Variants in USH2A observed in about 807,000 individuals in gnomAD.
USH2A encodes the protein Usher syndrome 2A (autosomal recessive, mild).
A neutral mutation model predicts 538.9 loss-of-function variants in USH2A; 443 were observed. The ratio of observed to expected loss-of-function variants is 0.82; its 90% CI spans 0.76 to 0.89. The LOEUF is 0.89. Ranked by LOEUF, USH2A falls within the 40% of genes least tolerant of loss-of-function variation. USH2A has a pLI of 0.00. For missense variants in USH2A, 6,633 were observed against 6,324.8 expected, an observed-to-expected ratio of 1.05 and a Z score of -1.65; for synonymous variants, 2,413 against 2,273.5, an observed-to-expected ratio of 1.06 and a Z score of -1.75.
At chr1:215,969,011 G>A (rs1306917813) in intron 36 of USH2A, among the ~76,000 whole-genome samples, 1 of 152,138 alleles carries the variant, frequency 6.6e-6, no homozygotes, top group Non-Finnish European at 1.5e-5. Context: ...CTTCATGATT[G>A]TGCTAGCCAT....
At chr1:215,627,547 T>G (rs577038991) in intron 71 of USH2A, among the ~76,000 whole-genome samples, 4 of 151,440 alleles carry the variant, frequency 2.6e-5, no homozygotes, top group Admixed American at 2.6e-4. Context: ...TTTTCTTTTT[T>G]CAGAGTCTTG....
At chr1:215,756,501 A>C (rs1237141202) in intron 58 of USH2A, among the ~76,000 whole-genome samples, 1 of 152,184 alleles carries the variant, frequency 6.6e-6, no homozygotes, top group Non-Finnish European at 1.5e-5. Context: ...GGATTGTAGA[A>C]GACCCTGGTC....
chr1:215,787,468 T>C (rs1355493426), intron 51 of USH2A, among the ~76,000 whole-genome samples: 1 of 152,168 alleles, frequency 6.6e-6, no homozygotes, highest in Non-Finnish European at 1.5e-5. Context: ...TTTACGCTTA[T>C]AAACATTTTC....
At chr1:215,901,340 A>C (rs1665495680) in intron 38 of USH2A, 1 of 216,220 alleles carries the variant, frequency 4.6e-6, no homozygotes, top group South Asian at 6.6e-5. Flanking sequence ...ACACCACTAC[A>C]TGTGAACACA....
At chr1:216,259,508 G>A (rs1361703651) in intron 11 of USH2A, among the ~76,000 whole-genome samples, 1 of 151,988 alleles carries the variant, frequency 6.6e-6, no homozygotes, top group Non-Finnish European at 1.5e-5. Flanking sequence ...CAGTTCCCAG[G>A]AAGACAAAAC....
chr1:215,628,572 C>CA (rs1201834953), intron 71 of USH2A, among the ~76,000 whole-genome samples: 1 of 152,164 alleles, frequency 6.6e-6, no homozygotes, highest in Non-Finnish European at 1.5e-5. Context: ...CATGAGCCAC[C>CA]ACGGCTAGCC....
chr1:215,877,614 T>C (rs1664803401), intron 43 of USH2A, 144 bp downstream of exon 43: 1 of 1,279,040 alleles, frequency 7.8e-7, no homozygotes, highest in Non-Finnish European at 1.1e-6. Flanking sequence ...AGCTGGGTGA[T>C]TAATGCCACA....
chr1:216,254,658 T>G (rs533062991), intron 11 of USH2A, among the ~76,000 whole-genome samples: 14 of 152,312 alleles, frequency 9.2e-5, no homozygotes, highest in African/African-American at 3.1e-4. Context: ...GGCAGAGAAC[T>G]GAGGTGCCCC....
chr1:216,178,955 G>T (rs949233103), intron 20 of USH2A, among the ~76,000 whole-genome samples: 1 of 152,134 alleles, frequency 6.6e-6, no homozygotes, highest in African/African-American at 2.4e-5. Flanking sequence ...GTGTGTTGAG[G>T]ATAGGATTTC....
chr1:215,628,714 C>T (rs539088085), intron 71 of USH2A, 100 bp downstream of exon 71: 15 of 1,248,094 alleles, frequency 1.2e-5, no homozygotes, highest in Middle Eastern at 2.1e-4. Flanking sequence ...TGCTCAGAGG[C>T]GAGTGCCATG....
intron 38 of USH2A, among the ~76,000 whole-genome samples, chr1:215,919,164 A>T (rs778471914): frequency 2.0e-5 from 3 of 152,064 alleles, no homozygotes; most frequent in Non-Finnish European, 4.4e-5. Context: ...TTGCACAGAC[A>T]TTATAGGGTC....
intron 15 of USH2A, among the ~76,000 whole-genome samples, chr1:216,208,024 A>T (rs1410759708): frequency 6.6e-6 from 1 of 152,138 alleles, no homozygotes; most frequent in African/African-American, 2.4e-5. Flanking sequence ...TGTTTTTAAG[A>T]TGTAATACAA....
chr1:215,629,626 G>A (rs1402320201), intron 70 of USH2A, among the ~76,000 whole-genome samples: 1 of 151,814 alleles, frequency 6.6e-6, no homozygotes. Flanking sequence ...ATTACATCAG[G>A]TCTGATATTA....
intron 4 of USH2A, among the ~76,000 whole-genome samples, chr1:216,347,749 C>T (rs1606357): frequency 0.27 from 41,579 of 151,910 alleles, 5,991 homozygotes; most frequent in African/African-American, 0.37. Context: ...TAATATATGT[C>T]GTTCTAAAAC....
chr1:216,381,504 TCAA>T (rs1047112092), intron 3 of USH2A, among the ~76,000 whole-genome samples: 47 of 152,096 alleles, frequency 3.1e-4, no homozygotes, highest in African/African-American at 1.1e-3. Context: ...GACAAAGTAA[TCAA>T]CAATACTAGG....
intron 44 of USH2A, among the ~76,000 whole-genome samples, chr1:215,849,142 T>C (rs1663948537): frequency 6.6e-6 from 1 of 152,138 alleles, no homozygotes; most frequent in Non-Finnish European, 1.5e-5. Context: ...ACAAGGCTTC[T>C]TCCTAGCATA....
intron 44 of USH2A, among the ~76,000 whole-genome samples, chr1:215,860,073 T>C (rs1239694308): frequency 6.6e-6 from 1 of 152,204 alleles, no homozygotes; most frequent in African/African-American, 2.4e-5. Context: ...TTTGCATCTT[T>C]GCACATGTCC....
chr1:215,739,982 T>C (rs1293224337), intron 60 of USH2A, among the ~76,000 whole-genome samples: 8 of 152,182 alleles, frequency 5.3e-5, no homozygotes, highest in Non-Finnish European at 1.2e-4. Flanking sequence ...TGTTCTGCTT[T>C]GTACGCTAAA....
At chr1:216,110,961 C>T (rs2032852660) in intron 21 of USH2A, among the ~76,000 whole-genome samples, 1 of 152,182 alleles carries the variant, frequency 6.6e-6, no homozygotes, top group Non-Finnish European at 1.5e-5. Context: ...CATGGTGGCT[C>T]ACGCCTGTAA....
Sources: gnomAD v4.1 joint callset for allele counts (sites outside exome capture counted in the v4.1 genomes callset) on GRCh38, gnomAD v4.1.1 for gene constraint, MANE v1.5 for transcripts, NCBI Gene and HGNC (gene_info 2026-07-23, HGNC 2026-07-21) for gene names.